The following CD58 variants were observed in gnomAD, a reference collection of about 807,000 sequenced individuals.
CD58 encodes CD58 molecule.
CD58 carries 14 observed loss-of-function variants against 27.6 expected under a neutral mutation model. The observed-to-expected ratio is 0.51, with a 90% CI of 0.34 to 0.79. CD58 has a LOEUF of 0.79. CD58 is among the 30% of genes least tolerant of loss of function. The pLI is 0.02. For synonymous variants in CD58, 117 were observed against 103.8 expected (o/e 1.13, Z -0.77); for missense variants, 268 against 301.7 (o/e 0.89, Z 0.83).
At chr1:116,561,548 A>G (rs1015935406) in intron 1 of CD58, among the ~76,000 whole-genome samples, 1 of 152,242 alleles carries the variant, frequency 6.6e-6, no homozygotes, top group African/African-American at 2.4e-5. Context: ...ATTACAAATT[A>G]TGATATTAAA....
chr1:116,556,879 C>G (rs1658585828), intron 1 of CD58, among the ~76,000 whole-genome samples: 2 of 152,148 alleles, frequency 1.3e-5, no homozygotes, highest in South Asian at 4.1e-4. Context: ...GGAGCTGTGC[C>G]TCAGCTCCTG....
In CD58 at chr1:116,535,952, G is replaced by A; in HGVS notation, c.628+13C>T. The A allele has an allele frequency of 6.3e-7, 1 of 1,581,472 alleles. No homozygotes were observed. The highest frequency in any genetic ancestry group is 8.6e-7 in the Non-Finnish European group (1 of 1,160,688). On this transcript the variant is annotated intron_variant, in intron 3 of 5. Transcript: ENST00000369489. ...TCTGAAAGCCTCCATGACACATTTA[G>A]TTATTTACTCACCGCTGCTTGGGAT...
rs766526162 is a variant in CD58 at position 116,521,875 on chromosome 1, C to T, written c.706+31G>A. On this transcript the variant is annotated intron_variant, in intron 4 of 5. Coordinates refer to ENST00000369489, the MANE Select transcript of CD58 (RefSeq NM_001779.3). The surrounding 1 kb of genome is among the most constrained non-coding windows in gnomAD (Gnocchi z 5.6). ...ACCTTTGGAAAACAATGCAAGTTTT[C>T]AAACTATTTTGTTTTAAAAAGCATA... is the stretch of plus-strand genomic sequence containing the variant. The T allele has an allele frequency of 8.6e-7, 1 of 1,161,516 alleles. No homozygotes were observed. The highest frequency in any genetic ancestry group is 1.3e-5 in the South Asian group (1 of 77,180). The allele number at this position is 1,161,516 out of a possible 1,614,324, so 72.0% of individuals were successfully genotyped here.
intron 5 of CD58, among the ~76,000 whole-genome samples, chr1:116,518,079 T>C (rs916675611): frequency 1.3e-5 from 2 of 152,222 alleles, no homozygotes; most frequent in Non-Finnish European, 2.9e-5. Flanking sequence ...TCTATGTGAT[T>C]ATCTATGCTA....
chr1:116,568,655 T>C (rs1420192074), intron 1 of CD58, among the ~76,000 whole-genome samples: 1 of 152,252 alleles, frequency 6.6e-6, no homozygotes, highest in Admixed American at 6.5e-5. Flanking sequence ...GTGCTTAACA[T>C]ATAATTGACA....
At chr1:116,562,874 G>A (rs139094886) in intron 1 of CD58, among the ~76,000 whole-genome samples, 27 of 152,072 alleles carry the variant, frequency 1.8e-4, no homozygotes, top group Admixed American at 1.1e-3. Flanking sequence ...ATTCCACCCC[G>A]GCCCCTCCCA....
At chr1:116,566,939 G>A (rs1658955595) in intron 1 of CD58, among the ~76,000 whole-genome samples, 1 of 151,520 alleles carries the variant, frequency 6.6e-6, no homozygotes, top group Admixed American at 6.6e-5. Context: ...AGGAGTTCAA[G>A]ACCAGCCTGG....
At chr1:116,556,708 G>A (rs904888571) in intron 1 of CD58, among the ~76,000 whole-genome samples, 2 of 152,174 alleles carry the variant, frequency 1.3e-5, no homozygotes, top group African/African-American at 4.8e-5. Context: ...AGCAAACAAA[G>A]GAGTCACAAA....
In CD58 at chr1:116,546,467, A is replaced by G. The variant is rs1361123948; in HGVS notation, c.71-1863T>C. Among the ~76,000 whole-genome samples the G allele has an allele frequency of 6.6e-6, 1 of 152,170 alleles. No individual in the cohort carries two copies. The highest frequency in any genetic ancestry group is 2.4e-5 in the African/African-American group (1 of 41,442). ...TTGCCGATTATGCATTATTTCCTCC[A>G]CTCAACAGAGTATGTGGGAAGGCAC... is the stretch of plus-strand genomic sequence containing the variant. On this transcript the variant is annotated intron_variant, in intron 1 of 5. Coordinates refer to ENST00000369489, the MANE Select transcript of CD58 (RefSeq NM_001779.3). This position sits in a 1 kb window ranked among gnomAD's most constrained non-coding sequence, Gnocchi z 4.1.
At chr1:116,544,891 G>C (rs1167681083) in intron 1 of CD58, among the ~76,000 whole-genome samples, 1 of 152,198 alleles carries the variant, frequency 6.6e-6, no homozygotes, top group East Asian at 1.9e-4. Context: ...GTGTGGAGAA[G>C]ACAGGGAGCA....
Position 116,550,111 on chromosome 1 carries a change from G to A in CD58, c.71-5507C>T, listed in dbSNP as rs1277295731. Reference sequence around the variant, plus strand: ...TGGTGAAAGGTCTTGCCTCAATGTTGATGGCTGCTGACTGATCAGGGTGTT... The same window carrying A: ...TGGTGAAAGGTCTTGCCTCAATGTTAATGGCTGCTGACTGATCAGGGTGTT... On this transcript the variant is annotated intron_variant, in intron 1 of 5. Coordinates refer to ENST00000369489, the MANE Select transcript of CD58 (RefSeq NM_001779.3). The surrounding 1 kb of genome is among the most constrained non-coding windows in gnomAD (Gnocchi z 4.2). Among the ~76,000 whole-genome samples, 1 of 152,130 alleles carries A rather than the reference G, an allele frequency of 6.6e-6. No individual in the cohort carries two copies. Among genetic ancestry groups the A allele is most frequent in the African/African-American group, 2.4e-5 (1 of 41,446 alleles).
At chr1:116,544,755 AT>A in intron 1 of CD58, 151 bp from the exon 2 acceptor site, 1 of 600,948 alleles carries the variant, frequency 1.7e-6, no homozygotes, top group Non-Finnish European at 2.9e-6. Flanking sequence ...TTACTCTTTA[AT>A]AGAAAACTGG....
intron 3 of CD58, among the ~76,000 whole-genome samples, chr1:116,529,526 A>G (rs906719925): frequency 6.6e-6 from 1 of 152,210 alleles, no homozygotes; most frequent in African/African-American, 2.4e-5. Flanking sequence ...AGTGGGGAAG[A>G]CACAGTGCTT....
In CD58 at chr1:116,557,113, T is replaced by C. The variant is rs1397287620; in HGVS notation, c.71-12509A>G. ...CTGGCATATGGACTTTCAATAAATATCTGTTGAATGAATTAACTAAAATGA... is the reference window on the plus strand; with the variant it reads ...CTGGCATATGGACTTTCAATAAATACCTGTTGAATGAATTAACTAAAATGA... On this transcript the variant is annotated intron_variant, in intron 1 of 5. Coordinates refer to ENST00000369489, the MANE Select transcript of CD58 (RefSeq NM_001779.3). The surrounding 1 kb of genome is among the most constrained non-coding windows in gnomAD (Gnocchi z 5.2). Among the ~76,000 whole-genome samples the C allele has an allele frequency of 1.3e-5, 2 of 152,202 alleles. No individual in the cohort carries two copies. The highest frequency in any genetic ancestry group is 1.9e-4 in the East Asian group (1 of 5,202).
At position 116,532,830 on chromosome 1, in the gene CD58, A is replaced by T; in HGVS notation, c.628+3135T>A. 1.7e-6 allele frequency: 1 copy of T among 577,410 alleles called. No homozygotes were observed. The allele number at this position is 577,410 out of a possible 1,614,324, so 35.8% of individuals were successfully genotyped here. On this transcript the variant is annotated intron_variant, in intron 3 of 5. Coordinates refer to ENST00000369489, the MANE Select transcript of CD58 (RefSeq NM_001779.3). The surrounding 1 kb of genome is among the most constrained non-coding windows in gnomAD (Gnocchi z 5.1). ...CATGCACTTGAAAACGATTAGATGGAGTAAGCGCTGTCGACGGGATTGTGC... is the reference window on the plus strand; with the variant it reads ...CATGCACTTGAAAACGATTAGATGGTGTAAGCGCTGTCGACGGGATTGTGC...
Position 116,536,389 on chromosome 1 carries a change from G to C in CD58, c.365-161C>G, listed in dbSNP as rs1571069700. Among the ~76,000 whole-genome samples the C allele has an allele frequency of 6.6e-6, 1 of 152,104 alleles. No homozygotes were observed. Among genetic ancestry groups the C allele is most frequent in the Admixed American group, 6.6e-5 (1 of 15,264 alleles). On this transcript the variant is annotated intron_variant, in intron 2 of 5. Coordinates refer to ENST00000369489, the MANE Select transcript of CD58 (RefSeq NM_001779.3). This position sits in a 1 kb window ranked among gnomAD's most constrained non-coding sequence, Gnocchi z 5.4. ...GAGAATTCTTTCTTTTGCTAGGTCA[G>C]ATCTACCTGTTCAAATTTAACAGAA...
In CD58 at chr1:116,541,100, T is replaced by C. The variant is rs1284327716; in HGVS notation, c.364+3211A>G. Reference sequence around the variant, plus strand: ...CTGGGATTATAGCCTTGAGCCACAATGCCCGGCCTAGAATATTTTAAATTA... The same window carrying C: ...CTGGGATTATAGCCTTGAGCCACAACGCCCGGCCTAGAATATTTTAAATTA... On this transcript the variant is annotated intron_variant, in intron 2 of 5. Transcript: ENST00000369489. The surrounding 1 kb of genome is among the most constrained non-coding windows in gnomAD (Gnocchi z 5.3). 6.6e-6 allele frequency among the ~76,000 whole-genome samples: 1 copy of C among 152,236 alleles called. No individual in the cohort carries two copies. Among genetic ancestry groups the C allele is most frequent in the Non-Finnish European group, 1.5e-5 (1 of 68,040 alleles).
In CD58 at chr1:116,534,383, C is replaced by T. The variant is rs1389437000; in HGVS notation, c.628+1582G>A. Among the ~76,000 whole-genome samples, 2 of 152,264 alleles carry T rather than the reference C, an allele frequency of 1.3e-5. No individual in the cohort carries two copies. The highest frequency in any genetic ancestry group is 2.9e-5 in the Non-Finnish European group (2 of 68,050). Reference sequence around the variant, plus strand: ...AAACATCTAATAAAGAGGTCCTGGACGTCTCCACCTTAAAAACGGGAAGCC... The same window carrying T: ...AAACATCTAATAAAGAGGTCCTGGATGTCTCCACCTTAAAAACGGGAAGCC... On this transcript the variant is annotated intron_variant, in intron 3 of 5. Transcript: ENST00000369489. This position sits in a 1 kb window ranked among gnomAD's most constrained non-coding sequence, Gnocchi z 5.3.
At chr1:116,545,429 G>C (rs184619633) in intron 1 of CD58, among the ~76,000 whole-genome samples, 178 of 152,318 alleles carry the variant, frequency 1.2e-3, no homozygotes, top group African/African-American at 4.0e-3. Context: ...TCCATGGACA[G>C]GACAGACCAG....
Sources: gnomAD v4.1 joint callset for allele counts (sites outside exome capture counted in the v4.1 genomes callset) on GRCh38, gnomAD v4.1.1 for gene constraint, Gnocchi (gnomAD v3.1) non-coding constraint, MANE v1.5 for transcripts, NCBI Gene and HGNC (gene_info 2026-07-23, HGNC 2026-07-21) for gene names.